SEMA4D: variants seen among roughly 807,000 people sequenced by gnomAD.
SEMA4D encodes semaphorin 4D.
A neutral mutation model predicts 74.8 loss-of-function variants in SEMA4D; 22 were observed. The ratio of observed to expected loss-of-function variants is 0.29; its 90% confidence interval spans 0.21 to 0.42. The LOEUF (loss-of-function observed/expected upper bound fraction) is 0.42, where lower values mean the gene tolerates loss of function less well. Among genes scored for constraint, SEMA4D ranks in the 10% least tolerant of loss-of-function variants. The probability of loss-of-function intolerance (pLI) is 1.00; values close to 1 mark genes in which losing one functional copy is unlikely to be tolerated. For missense variants in SEMA4D, 937 were observed against 1,118.4 expected, an observed-to-expected ratio of 0.84 and a Z score of 2.31; for synonymous variants, 445 against 463.7, an observed-to-expected ratio of 0.96 and a Z score of 0.52.
At chr9:89,396,662 T>C (rs1587552468) in intron 6 of SEMA4D, 75 bp downstream of exon 6, 1 of 1,237,470 alleles carries the variant, frequency 8.1e-7, no homozygotes, top group Non-Finnish European at 1.2e-6. Flanking sequence ...CAGCTTTACG[T>C]CTGCTTTGAG....
intron 16 of SEMA4D, chr9:89,369,042 A>G (rs11516152): frequency 0.22 from 33,000 of 152,156 alleles, 4,396 homozygotes; most frequent in East Asian, 0.48. Flanking sequence ...GCCTCATCTA[A>G]CATGCGAAGG....
intron 1 of SEMA4D, among the ~76,000 whole-genome samples, chr9:89,466,272 G>A (rs767146744): frequency 2.0e-5 from 3 of 152,160 alleles, no homozygotes; most frequent in Non-Finnish European, 2.9e-5. Flanking sequence ...TGATCACTCC[G>A]CTCTGAGTTC....
chr9:89,377,699 A>G lies in SEMA4D; in HGVS notation c.*1005T>C, dbSNP rs1359580300. 2 of 152,244 alleles carry G rather than the reference A, an allele frequency of 1.3e-5. No homozygotes were observed. The highest frequency in any genetic ancestry group is 2.9e-5 in the Non-Finnish European group (2 of 68,074). 9.4% of individuals were successfully genotyped at this position (152,244 alleles called of 1,614,324 possible). A position where few individuals can be genotyped will look rare whatever the true frequency, so the allele number is the denominator to read the frequency against. ...AGAGAAAGGAGATGTTCAGAGAACC[A>G]AAGGCGCCCTTGTGAAGGTTCCATC... On this transcript the variant is annotated 3_prime_UTR_variant, in exon 16 of 16. Transcript: ENST00000422704.
intron 1 of SEMA4D, among the ~76,000 whole-genome samples, chr9:89,480,239 G>C (rs1199263724): frequency 6.6e-6 from 1 of 151,910 alleles, no homozygotes; most frequent in East Asian, 1.9e-4. Flanking sequence ...GTGTCGATTG[G>C]TGCACTCACA....
intron 1 of SEMA4D, among the ~76,000 whole-genome samples, chr9:89,491,740 G>C (rs2136276896): frequency 6.6e-6 from 1 of 152,286 alleles, no homozygotes; most frequent in East Asian, 1.9e-4. Flanking sequence ...GTGGAACTGA[G>C]AGTCAGTGTT....
intron 1 of SEMA4D, among the ~76,000 whole-genome samples, chr9:89,460,773 G>A (rs1857018986): frequency 6.6e-6 from 1 of 152,242 alleles, no homozygotes; most frequent in Non-Finnish European, 1.5e-5. Context: ...TACAGGCCCA[G>A]GAGAACCCAT....
chr9:89,390,377 G>T (rs1158619846), intron 9 of SEMA4D, among the ~76,000 whole-genome samples: 1 of 149,094 alleles, frequency 6.7e-6, no homozygotes, highest in Non-Finnish European at 1.5e-5. Flanking sequence ...GGGCTGCGGG[G>T]CAGCTGGAGG....
rs150840898 is a variant in SEMA4D, at chr9:89,449,990, G to C, written c.-244+5898C>G. The C allele has an allele frequency of 6.7e-4, 1,035 of 1,540,352 alleles. 8 individuals carry two copies. The East Asian group carries it at 0.018, about 26-fold the overall frequency. On this transcript the variant is annotated intron_variant, in intron 2 of 15. Coordinates refer to ENST00000422704, the MANE Select transcript of SEMA4D (RefSeq NM_001371194.2). ...CAGGGAGGAAAGCAGATGTTATTAA[G>C]GCAGCTCACCGTTGTGCTGAAGCTG...
intron 13 of SEMA4D, 94 bp downstream of exon 13, chr9:89,386,273 A>G: frequency 9.1e-7 from 1 of 1,098,338 alleles, no homozygotes; most frequent in Non-Finnish European, 1.3e-6. Context: ...GGGCCTGCCC[A>G]GGAGCCCGAC....
At chr9:89,458,613 C>T (rs957764046) in intron 1 of SEMA4D, among the ~76,000 whole-genome samples, 33 of 151,994 alleles carry the variant, frequency 2.2e-4, no homozygotes, top group African/African-American at 5.1e-4. Context: ...CACAGGTACA[C>T]CACACCCACA....
intron 16 of SEMA4D, chr9:89,367,597 T>G (rs954388861): frequency 6.6e-6 from 1 of 152,290 alleles, no homozygotes; most frequent in Non-Finnish European, 1.5e-5. Context: ...GAAGTTGTTG[T>G]GGCTTACAAG....
chr9:89,363,688 A>C (rs995424338), intron 17 of SEMA4D: 2 of 1,596,238 alleles, frequency 1.3e-6, no homozygotes, highest in African/African-American at 1.3e-5. Flanking sequence ...GCCATTGTAA[A>C]TAGTGAAAAA....
Position 89,492,346 on chromosome 9 carries a change from C to A in SEMA4D, c.-310+5573G>T, listed in dbSNP as rs914366464. Among the ~76,000 whole-genome samples the A allele has an allele frequency of 5.3e-5, 8 of 152,128 alleles. No homozygotes were observed. Among genetic ancestry groups the A allele is most frequent in the African/African-American group, 1.9e-4 (8 of 41,416 alleles). On this transcript the variant is annotated intron_variant, in intron 1 of 15. Transcript: ENST00000422704. The surrounding 1 kb of genome is among the most constrained non-coding windows in gnomAD (Gnocchi z 4.3). ...GGCCGCACCTTCTTGGTTTCTTGTT[C>A]CAGGCTCAGTCCTCGGACCTCTTCT...
At chr9:89,390,621 C>T (rs1564590040) in intron 9 of SEMA4D, among the ~76,000 whole-genome samples, 1 of 152,202 alleles carries the variant, frequency 6.6e-6, no homozygotes, top group Non-Finnish European at 1.5e-5. Context: ...CTACCAATTT[C>T]CATGAGAGAC....
intron 2 of SEMA4D, among the ~76,000 whole-genome samples, chr9:89,425,022 C>A (rs897915480): frequency 6.6e-6 from 1 of 152,182 alleles, no homozygotes; most frequent in Non-Finnish European, 1.5e-5. Context: ...GCATTTTCCC[C>A]TCTTTCTGTG....
In SEMA4D at chr9:89,364,462, G is replaced by C. The variant is rs1245031352; in HGVS notation, c.1883-512C>G. 3.3e-5 allele frequency: 7 copies of C among 209,050 alleles called. No individual in the cohort carries two copies. The East Asian group carries it at 7.4e-4, about 22-fold the overall frequency. The allele number at this position is 209,050 out of a possible 1,614,324, so 12.9% of individuals were successfully genotyped here. Reference sequence around the variant, plus strand: ...GGCCTGTCTCTCCAATTGAGACACTGGGGTGGGCTTGGAGGGGAGTAGATG... The same window carrying C: ...GGCCTGTCTCTCCAATTGAGACACTCGGGTGGGCTTGGAGGGGAGTAGATG... On this transcript the variant is annotated intron_variant, in intron 16 of 18. Coordinates refer to the SEMA4D transcript ENST00000339861.
rs1489553374 is a variant in SEMA4D, at chr9:89,388,790, T to A, written c.953A>T (p.Asn318Ile). 1 of 1,605,404 alleles carries A rather than the reference T, an allele frequency of 6.2e-7. No individual in the cohort carries two copies. The highest frequency in any genetic ancestry group is 8.5e-7 in the Non-Finnish European group (1 of 1,173,628). Reference sequence around the variant, plus strand: ...GCACACTGCCGACAGCCCCACGTTGTTCCTGGGGAGGGGAAAGAGGTGACG... The same window carrying A: ...GCACACTGCCGACAGCCCCACGTTGATCCTGGGGAGGGGAAAGAGGTGACG... ...VFYALFTPQL[N>I]NVGLSAVCAY... is the part of the protein sequence containing the mutation. Residue 318 changes from asparagine (N) to isoleucine (I), a missense_variant and splice_region_variant, in exon 11 of 16, where the codon AAC (asparagine) becomes ATC (isoleucine). Transcript: ENST00000422704.
chr9:89,430,884 G>A (rs1849134712), intron 2 of SEMA4D, among the ~76,000 whole-genome samples: 1 of 152,204 alleles, frequency 6.6e-6, no homozygotes, highest in Admixed American at 6.5e-5. Flanking sequence ...GGCTGAGGCA[G>A]GAGAATCGCT....
At chr9:89,419,495 C>T (rs907460519) in intron 2 of SEMA4D, among the ~76,000 whole-genome samples, 5 of 152,076 alleles carry the variant, frequency 3.3e-5, no homozygotes, top group African/African-American at 9.7e-5. Context: ...TCCTGTCACA[C>T]GGGAGGGAGA....
Sources: gnomAD v4.1 joint callset for allele counts (sites outside exome capture counted in the v4.1 genomes callset) on GRCh38, gnomAD v4.1.1 for gene constraint, Gnocchi (gnomAD v3.1) non-coding constraint, MANE v1.5 for transcripts, NCBI Gene and HGNC (gene_info 2026-07-23, HGNC 2026-07-21) for gene names.